Variants in NDUFS1 observed in about 807,000 individuals in gnomAD.
NDUFS1 encodes NADH-ubiquinone oxidoreductase 75 kDa subunit, mitochondrial.
Under a neutral mutation model 84.4 loss-of-function variants are expected in NDUFS1, and 61 were observed. The observed-to-expected ratio is 0.72, with a 90% CI of 0.59 to 0.89. The LOEUF (loss-of-function observed/expected upper bound fraction) is 0.89. NDUFS1 is among the 40% of genes least tolerant of loss of function. The probability of loss-of-function intolerance (pLI) is 0.00; values close to 1 mark genes in which losing one functional copy is unlikely to be tolerated. For missense variants in NDUFS1, 891 were observed against 890.0 expected (o/e 1.00, Z -0.01); for synonymous variants, 275 against 290.0 (o/e 0.95, Z 0.53).
Position 206,142,082 on chromosome 2 carries a change from T to TATATAAA in NDUFS1, c.1134-20_1134-14dup. 6.4e-7 allele frequency: 1 copy of TATATAAA among 1,572,242 alleles called. No homozygotes were observed. The highest frequency in any genetic ancestry group is 8.8e-7 in the Non-Finnish European group (1 of 1,142,284). On this transcript the variant is annotated splice_polypyrimidine_tract_variant and intron_variant, in intron 11 of 18. Coordinates refer to ENST00000233190, the MANE Select transcript of NDUFS1 (RefSeq NM_005006.7). ...ACGCAAATCTGTGCTAGAAATACAA[T>TATATAAA]ATATAAAATGCAAATTTACTTTAAA...
intron 18 of NDUFS1, 95 bp downstream of exon 18, chr2:206,126,444 C>T (rs889604819): frequency 9.0e-7 from 1 of 1,112,382 alleles, no homozygotes; most frequent in African/African-American, 1.5e-5. Flanking sequence ...ATTGCAAACA[C>T]TATCAATCAC....
intron 4 of NDUFS1, among the ~76,000 whole-genome samples, chr2:206,149,529 T>A (rs562769895): frequency 6.6e-6 from 1 of 152,312 alleles, no homozygotes; most frequent in African/African-American, 2.4e-5. Context: ...TTGGCAACTC[T>A]ACATCCTGGT....
chr2:206,149,673 C>T (rs1260378556), intron 4 of NDUFS1, 145 bp downstream of exon 4: 1 of 668,780 alleles, frequency 1.5e-6, no homozygotes, highest in African/African-American at 1.8e-5. Context: ...TGAAGAGAAT[C>T]AATTGTACAA....
chr2:206,157,848 T>C (rs974453368), intron 1 of NDUFS1, among the ~76,000 whole-genome samples: 1 of 152,188 alleles, frequency 6.6e-6, no homozygotes, highest in African/African-American at 2.4e-5. Context: ...CTTTTCCATA[T>C]AGGGACTATG....
intron 2 of NDUFS1, among the ~76,000 whole-genome samples, chr2:206,153,156 T>C (rs1365653545): frequency 6.6e-6 from 1 of 152,106 alleles, no homozygotes; most frequent in South Asian, 2.1e-4. Flanking sequence ...AAAGTAAAAT[T>C]ATATTTTGAA....
In NDUFS1 at chr2:206,147,569, G is replaced by C. The variant is rs891748908; in HGVS notation, c.513C>G (p.Thr171=). ...TACACTGTATACATCTTGTCATGAT[G>C]GTCTTTACCAATGGCCCAATGTTCT... ...EDKNIGPLVK[T]IMTRCIQCTR... is the part of the protein sequence containing the mutation. The change falls in exon 7 of 19, where the codon ACC becomes ACG. Residue 171 remains threonine, a synonymous_variant. Coordinates refer to ENST00000233190, the MANE Select transcript of NDUFS1 (RefSeq NM_005006.7). 5 of 1,614,012 alleles carry C rather than the reference G, an allele frequency of 3.1e-6. No individual in the cohort carries two copies. In the African/African-American group the frequency reaches 4.0e-5, roughly 13 times the overall value.
At position 206,138,563 on chromosome 2, in the gene NDUFS1, G is replaced by A. The variant is rs373747579; in HGVS notation, c.1314C>T (p.Leu438=). The A allele has an allele frequency of 6.2e-7, 1 of 1,613,820 alleles. No homozygotes were observed. The highest frequency in any genetic ancestry group is 1.3e-5 in the African/African-American group (1 of 75,034). Residue 438 remains leucine, a synonymous_variant, in exon 13 of 19, where the codon CTC becomes CTT. Coordinates refer to ENST00000233190, the MANE Select transcript of NDUFS1 (RefSeq NM_005006.7). ...CTCCCAGGTGGTCATATGTGTAAGTGAGGTCCACTGGACTGCCTATAAGGG... is the reference window on the plus strand; with the variant it reads ...CTCCCAGGTGGTCATATGTGTAAGTAAGGTCCACTGGACTGCCTATAAGGG... ...KVALIGSPVD[L]TYTYDHLGDS... is the part of the protein sequence containing the mutation.
rs181278008 is a variant in NDUFS1, at chr2:206,131,789, A to T, written c.1553+1156T>A. Among the ~76,000 whole-genome samples the T allele has an allele frequency of 2.1e-3, 322 of 152,214 alleles. 2 individuals are homozygous for T. Among genetic ancestry groups the T allele is most frequent in the African/African-American group, 7.4e-3 (306 of 41,534 alleles). On this transcript the variant is annotated intron_variant, in intron 14 of 18. Coordinates refer to ENST00000233190, the MANE Select transcript of NDUFS1 (RefSeq NM_005006.7). ...CCAGTCTCTACTAAAAATACAAAAA[A>T]TTAGCCTGGCATAGTGGCACGCGCC...
In NDUFS1 at chr2:206,116,787, C is replaced by A. The variant is rs372443237; in HGVS notation, c.*7398G>T. 3.6e-4 allele frequency: 72 copies of A among 202,084 alleles called. No individual in the cohort carries two copies. In the East Asian group the frequency reaches 9.0e-3, roughly 25 times the overall value. The allele number at this position is 202,084 out of a possible 1,614,324, so 12.5% of individuals were successfully genotyped here. On this transcript the variant is annotated 3_prime_UTR_variant, in exon 19 of 19. Transcript: ENST00000233190. Reference sequence around the variant, plus strand: ...CTGTAATCCCAGCACTTTGGGAGGCCGAGGTGGGCAGATCATGAGGTCAGG... The same window carrying A: ...CTGTAATCCCAGCACTTTGGGAGGCAGAGGTGGGCAGATCATGAGGTCAGG...
chr2:206,130,391 G>A (rs1205442561), intron 14 of NDUFS1, 149 bp from the exon 15 acceptor site: 51 of 1,052,196 alleles, frequency 4.8e-5, no homozygotes, highest in Non-Finnish European at 6.7e-5. Flanking sequence ...GTCTCACTTT[G>A]TCGCCCAGGC....
chr2:206,124,780 A>C (rs1267810678), intron 18 of NDUFS1, among the ~76,000 whole-genome samples: 1 of 151,156 alleles, frequency 6.6e-6, no homozygotes, highest in East Asian at 1.9e-4. Context: ...CGGAGCTTGC[A>C]GTGAGCCGAG....
chr2:206,126,642 A>T (rs1266723861), intron 17 of NDUFS1, 31 bp from the exon 18 acceptor site: 22 of 1,614,020 alleles, frequency 1.4e-5, no homozygotes, highest in Non-Finnish European at 1.6e-5. Flanking sequence ...CAACAATAAT[A>T]TGGAAAACTA....
chr2:206,153,648 CTAAGGCCTTTCTTACAGGT>C lies in NDUFS1; in HGVS notation c.12_30del (p.Ile4MetfsTer2), dbSNP rs1217910643. The C allele has an allele frequency of 2.6e-6, 4 of 1,548,036 alleles. No individual in the cohort carries two copies. The highest frequency in any genetic ancestry group is 1.4e-5 in the African/African-American group (1 of 73,138). On this transcript the variant is annotated frameshift_variant, in exon 2 of 19. Coordinates refer to ENST00000233190, the MANE Select transcript of NDUFS1 (RefSeq NM_005006.7). LOFTEE classifies it high-confidence loss of function. ...CCTTTAGGAGACTTAGAAAGGCCTA[CTAAGGCCTTTCTTACAGGT>C]ATCCTTAACATATTGCTAAAAATAA... is the stretch of plus-strand genomic sequence containing the variant.
intron 15 of NDUFS1, 151 bp from the exon 16 acceptor site, chr2:206,128,123 T>C (rs1319913026): frequency 1.1e-5 from 9 of 816,186 alleles, no homozygotes; most frequent in Admixed American, 2.3e-5. Flanking sequence ...GTAATAAAAA[T>C]TAAAGCCCAC....
At chr2:206,131,052 G>A (rs952810223) in intron 14 of NDUFS1, among the ~76,000 whole-genome samples, 1 of 152,122 alleles carries the variant, frequency 6.6e-6, no homozygotes, top group African/African-American at 2.4e-5. Context: ...TTAAAGAAGA[G>A]GTCTGGAATA....
At position 206,149,812 on chromosome 2, in the gene NDUFS1, A is replaced by G. The variant is rs748906579; in HGVS notation, c.261+6T>C. 3.1e-6 allele frequency: 5 copies of G among 1,605,678 alleles called. No homozygotes were observed. In the South Asian group the frequency reaches 5.5e-5, roughly 18 times the overall value. ...AGCATGGTGTAGAATTTTAGGTATCAAGTACCTTAGGGGCTTTCTCAATTT... is the reference window on the plus strand; with the variant it reads ...AGCATGGTGTAGAATTTTAGGTATCGAGTACCTTAGGGGCTTTCTCAATTT... On this transcript the variant is annotated splice_donor_region_variant and intron_variant, in intron 4 of 18. Coordinates refer to ENST00000233190, the MANE Select transcript of NDUFS1 (RefSeq NM_005006.7).
At chr2:206,126,908 G>C in intron 16 of NDUFS1, 64 bp from the exon 17 acceptor site, 1 of 1,583,026 alleles carries the variant, frequency 6.3e-7, no homozygotes, top group Non-Finnish European at 8.6e-7. Flanking sequence ...TCAAATAATA[G>C]ATAATTGTAA....
chr2:206,134,619 T>G (rs2105955146), intron 13 of NDUFS1, among the ~76,000 whole-genome samples: 1 of 150,736 alleles, frequency 6.6e-6, no homozygotes, highest in East Asian at 1.9e-4. Flanking sequence ...GAAAACATGA[T>G]TAAATACAAG....
chr2:206,124,054 G>A lies in NDUFS1; in HGVS notation c.*131C>T. On this transcript the variant is annotated 3_prime_UTR_variant, in exon 19 of 19. Coordinates refer to ENST00000233190, the MANE Select transcript of NDUFS1 (RefSeq NM_005006.7). The stretch of plus-strand genomic sequence containing the variant: ...CTAATATCATTTTCAAATAGGCATA[G>A]TATAACCTTAAATATTACATGATTC... 3 of 694,004 alleles carry A rather than the reference G, an allele frequency of 4.3e-6. No homozygotes were observed. The highest frequency in any genetic ancestry group is 3.5e-5 in the South Asian group (2 of 56,506). 43.0% of individuals were successfully genotyped at this position (694,004 alleles called of 1,614,324 possible).
Sources: gnomAD v4.1 joint callset for allele counts (sites outside exome capture counted in the v4.1 genomes callset) on GRCh38, gnomAD v4.1.1 for gene constraint, MANE v1.5 for transcripts, NCBI Gene and HGNC (gene_info 2026-07-23, HGNC 2026-07-21) for gene names.